The following RNLS variants were observed in gnomAD, a reference collection of about 807,000 sequenced individuals.
The protein encoded by RNLS is renalase.
In RNLS, 39 loss-of-function variants were observed where a neutral mutation model predicts 39.8. That is an observed-to-expected ratio of 0.98 (90% CI 0.76 to 1.28). RNLS has a LOEUF of 1.28. RNLS is among the 50% of genes most tolerant of loss of function. The pLI is 0.00. For synonymous variants in RNLS, 147 were observed against 150.7 expected, an observed-to-expected ratio of 0.98 and a Z score of 0.18; for missense variants, 410 against 413.3, an observed-to-expected ratio of 0.99 and a Z score of 0.07.
At chr10:88,185,394 G>A in the RNLS span, among the ~76,000 whole-genome samples, 1 of 151,848 alleles carries the variant, frequency 6.6e-6, no homozygotes, top group Non-Finnish European at 1.5e-5. Context: ...TCCCTTTAAT[G>A]GTCTTTTTTC....
chr10:88,477,747 T>G (rs1843901483), intron 4 of RNLS, among the ~76,000 whole-genome samples: 1 of 152,240 alleles, frequency 6.6e-6, no homozygotes, highest in Admixed American at 6.5e-5. Context: ...GGTGCTATCA[T>G]GATCTTTGTT....
intron 5 of RNLS, among the ~76,000 whole-genome samples, chr10:88,348,822 C>T (rs1221853423): frequency 1.3e-5 from 2 of 152,222 alleles, no homozygotes; most frequent in African/African-American, 4.8e-5. Context: ...CATAACTTTT[C>T]CTTTGAAAGC....
At chr10:88,280,200 G>A (rs192312940), downstream of RNLS, among the ~76,000 whole-genome samples, 5 of 152,168 alleles carry the variant, frequency 3.3e-5, no homozygotes, top group East Asian at 9.6e-4. Context: ...TTATATGAAC[G>A]TAAGCCTCAC....
At position 88,481,057 on chromosome 10, in the gene RNLS, C is replaced by T. The variant is rs1465909834; in HGVS notation, c.526+91846G>A. ...TTTTGTATATTCCTGGTTTATTGACCCTTTATCATAAAATAGCCCTCTATA... is the reference window on the plus strand; with the variant it reads ...TTTTGTATATTCCTGGTTTATTGACTCTTTATCATAAAATAGCCCTCTATA... On this transcript the variant is annotated intron_variant, in intron 4 of 6. Transcript: ENST00000331772. Among the ~76,000 whole-genome samples, 12 of 151,986 alleles carry T rather than the reference C, an allele frequency of 7.9e-5. No individual in the cohort carries two copies. In the East Asian group the frequency reaches 2.1e-3, roughly 27 times the overall value.
chr10:88,182,089 T>C, the RNLS span, among the ~76,000 whole-genome samples: 3 of 152,246 alleles, frequency 2.0e-5, no homozygotes, highest in Non-Finnish European at 4.4e-5. Context: ...GCAAACAACT[T>C]GAAGTATGTT....
intron 4 of RNLS, among the ~76,000 whole-genome samples, chr10:88,459,045 A>C (rs1368249825): frequency 1.3e-5 from 2 of 152,000 alleles, no homozygotes; most frequent in Non-Finnish European, 2.9e-5. Flanking sequence ...CAAAACCAGA[A>C]ATTTACTGTT....
At chr10:88,194,547 C>T in the RNLS span, among the ~76,000 whole-genome samples, 4 of 152,180 alleles carry the variant, frequency 2.6e-5, no homozygotes, top group East Asian at 5.8e-4. Context: ...CATGCTTTGT[C>T]ATTCACTGGT....
At chr10:88,514,803 A>G (rs1490350388) in intron 4 of RNLS, among the ~76,000 whole-genome samples, 1 of 151,984 alleles carries the variant, frequency 6.6e-6, no homozygotes, top group Non-Finnish European at 1.5e-5. Flanking sequence ...ATTTTCTTCC[A>G]TATCTTGGCT....
the RNLS span, among the ~76,000 whole-genome samples, chr10:88,206,713 C>T: frequency 1.3e-5 from 2 of 152,090 alleles, no homozygotes; most frequent in African/African-American, 4.8e-5. Flanking sequence ...ATTTTCATCT[C>T]CCGAGAACTC....
At chr10:88,280,176 ACT>A (rs1223813379), downstream of RNLS, among the ~76,000 whole-genome samples, 1 of 151,956 alleles carries the variant, frequency 6.6e-6, no homozygotes, top group Non-Finnish European at 1.5e-5. Flanking sequence ...TGTGTTCAGC[ACT>A]CTCTTAAGGT....
At chr10:88,538,736 T>C (rs1847900406) in intron 4 of RNLS, among the ~76,000 whole-genome samples, 1 of 152,182 alleles carries the variant, frequency 6.6e-6, no homozygotes, top group Admixed American at 6.6e-5. Flanking sequence ...TATTCTACCA[T>C]TTCCTTTCTT....
the RNLS span, among the ~76,000 whole-genome samples, chr10:88,208,114 C>T: frequency 3.2e-4 from 48 of 152,224 alleles, no homozygotes; most frequent in Non-Finnish European, 5.4e-4. Context: ...TCTCTATAGG[C>T]GAATTGTACC....
chr10:88,394,994 G>A (rs1239493924), intron 4 of RNLS, among the ~76,000 whole-genome samples: 4 of 151,982 alleles, frequency 2.6e-5, no homozygotes, highest in African/African-American at 9.7e-5. Context: ...ATTGAACAAT[G>A]AGAACACATG....
At chr10:88,234,642 C>T in the RNLS span, among the ~76,000 whole-genome samples, 1 of 152,134 alleles carries the variant, frequency 6.6e-6, no homozygotes, top group Non-Finnish European at 1.5e-5. Context: ...CTCCTAGGTT[C>T]AACACCCTGT....
chr10:88,179,404 G>T, the RNLS span, among the ~76,000 whole-genome samples: 1 of 152,098 alleles, frequency 6.6e-6, no homozygotes, highest in Non-Finnish European at 1.5e-5. Context: ...TTGGTAAATG[G>T]TCATGATTCT....
intron 5 of RNLS, among the ~76,000 whole-genome samples, chr10:88,360,682 C>T (rs770272111): frequency 6.6e-5 from 10 of 152,126 alleles, no homozygotes; most frequent in Non-Finnish European, 1.3e-4. Context: ...TTGATCCACC[C>T]ACCTTGGCCT....
chr10:88,546,822 A>G (rs1422234334), intron 4 of RNLS, among the ~76,000 whole-genome samples: 1 of 152,154 alleles, frequency 6.6e-6, no homozygotes. Context: ...ATTTCTGGAT[A>G]ATAAGTGTTA....
At chr10:88,253,734 A>G in the RNLS span, among the ~76,000 whole-genome samples, 1 of 152,200 alleles carries the variant, frequency 6.6e-6, no homozygotes. Flanking sequence ...GGGTCTTAGT[A>G]TCCACACACT....
At chr10:88,353,269 C>G (rs1250151067) in intron 5 of RNLS, among the ~76,000 whole-genome samples, 1 of 152,160 alleles carries the variant, frequency 6.6e-6, no homozygotes, top group African/African-American at 2.4e-5. Context: ...AATGTGTTTG[C>G]TCTTGCTTCT....
Sources: allele counts gnomAD v4.1 joint callset (sites outside exome capture counted in the v4.1 genomes callset), GRCh38; gene constraint gnomAD v4.1.1; transcripts MANE v1.5; gene names NCBI Gene and HGNC (gene_info 2026-07-23, HGNC 2026-07-21).